SYTL2: variants seen among roughly 807,000 people sequenced by gnomAD.
The protein encoded by SYTL2 is synaptotagmin like 2.
Under a neutral mutation model 198.7 loss-of-function variants are expected in SYTL2, and 165 were observed. The ratio of observed to expected loss-of-function variants is 0.83; its 90% CI spans 0.73 to 0.94. The LOEUF is 0.94. Among genes scored for constraint, SYTL2 ranks in the 40% least tolerant of loss-of-function variants. The pLI is 0.00. For missense variants in SYTL2, 2,835 were observed against 2,582.8 expected, an observed-to-expected ratio of 1.10 and a Z score of -2.12; for synonymous variants, 966 against 917.7, an observed-to-expected ratio of 1.05 and a Z score of -0.95.
chr11:85,800,509 G>A (rs2092870238), intron 1 of SYTL2, among the ~76,000 whole-genome samples: 1 of 151,960 alleles, frequency 6.6e-6, no homozygotes, highest in South Asian at 2.1e-4. Context: ...AAACTCCTGG[G>A]TTCAAGCAAT....
chr11:85,752,723 C>T (rs1177902009), intron 2 of SYTL2, among the ~76,000 whole-genome samples: 1 of 151,944 alleles, frequency 6.6e-6, no homozygotes, highest in East Asian at 1.9e-4. Context: ...CTGCGGGGCA[C>T]TTACCCTCTT....
Position 85,734,700 on chromosome 11 carries a change from G to A in SYTL2, c.629C>T (p.Thr210Ile), listed in dbSNP as rs2090163019. 6.8e-6 allele frequency: 11 copies of A among 1,613,966 alleles called. No homozygotes were observed. The highest frequency in any genetic ancestry group is 1.3e-5 in the African/African-American group (1 of 74,924). ...TGATTTCTCTAACTTTTGGATTGAA[G>A]TATCTGCGACAGTTGACTTTTCTTT... is the stretch of plus-strand genomic sequence containing the variant. ...ESKEKSTVADTSIQKLEKSKQ... is the reference protein window; with the variant it reads ...ESKEKSTVADISIQKLEKSKQ... The change falls in exon 7 of 20, where the codon ACT becomes ATT. Residue 210 changes from threonine (T) to isoleucine (I), a missense_variant. By Grantham distance (89) the Thr-to-Ile change is moderately conservative. Transcript: ENST00000359152.
intron 16 of SYTL2, among the ~76,000 whole-genome samples, chr11:85,701,626 T>C (rs2084309652): frequency 6.6e-6 from 1 of 152,226 alleles, no homozygotes; most frequent in South Asian, 2.1e-4. Context: ...TGGGTAGGGC[T>C]AGAAATAAGT....
At chr11:85,848,424 T>C in the SYTL2 span, among the ~76,000 whole-genome samples, 1 of 151,842 alleles carries the variant, frequency 6.6e-6, no homozygotes, top group Non-Finnish European at 1.5e-5. Context: ...ATTCTAGAAA[T>C]TTTATAGTTT....
rs1458821985 is a variant in SYTL2, at chr11:85,748,439, ATCT to A, written c.102-19_102-17del. 2 of 1,613,186 alleles carry A rather than the reference ATCT, an allele frequency of 1.2e-6. No individual in the cohort carries two copies. ...AGGCAAATGTCTACAAAAGGAAAAG[ATCT>A]TTAGTTTGCTGAGAACCCACAGTAA... On this transcript the variant is annotated splice_polypyrimidine_tract_variant and intron_variant, in intron 2 of 19. Transcript: ENST00000359152.
chr11:85,779,416 A>G (rs1311758708), intron 1 of SYTL2, among the ~76,000 whole-genome samples: 9 of 152,248 alleles, frequency 5.9e-5, no homozygotes, highest in Non-Finnish European at 2.9e-5. Context: ...CACTGTAAGG[A>G]AAGTGTCATT....
the SYTL2 span, among the ~76,000 whole-genome samples, chr11:85,839,348 G>A: frequency 6.6e-6 from 1 of 152,120 alleles, no homozygotes; most frequent in East Asian, 1.9e-4. Flanking sequence ...TTTCGTAACA[G>A]ATCTTTTCCA....
At chr11:85,804,950 T>C (rs538318911) in intron 1 of SYTL2, among the ~76,000 whole-genome samples, 1 of 152,188 alleles carries the variant, frequency 6.6e-6, no homozygotes, top group Non-Finnish European at 1.5e-5. Context: ...CCTTGGCTGG[T>C]AAGTCTTTGG....
chr11:85,732,644 G>A (rs754852117), intron 7 of SYTL2, among the ~76,000 whole-genome samples: 85 of 152,228 alleles, frequency 5.6e-4, no homozygotes, highest in Admixed American at 1.1e-3. Context: ...CCTAATGTAG[G>A]TGACAGGTTG....
intron 15 of SYTL2, among the ~76,000 whole-genome samples, chr11:85,706,344 C>T (rs913070293): frequency 6.6e-6 from 1 of 152,160 alleles, no homozygotes; most frequent in Non-Finnish European, 1.5e-5. Context: ...ACAAACAACA[C>T]CAAGTTGGTC....
At chr11:85,756,920 C>G (rs948838343) in intron 2 of SYTL2, among the ~76,000 whole-genome samples, 1 of 152,208 alleles carries the variant, frequency 6.6e-6, no homozygotes, top group Non-Finnish European at 1.5e-5. Context: ...TTCAGGAAGC[C>G]TGTCGCTGCC....
intron 1 of SYTL2, among the ~76,000 whole-genome samples, chr11:85,769,111 G>T (rs2092304173): frequency 2.0e-5 from 3 of 152,202 alleles, no homozygotes; most frequent in African/African-American, 7.2e-5. Flanking sequence ...AGTTTGATAA[G>T]TTATGTTCCA....
At chr11:85,741,081 T>C (rs930163531) in intron 4 of SYTL2, among the ~76,000 whole-genome samples, 3 of 152,134 alleles carry the variant, frequency 2.0e-5, no homozygotes, top group Non-Finnish European at 2.9e-5. Context: ...GTTTTTTTTT[T>C]TTTCTTAGCT....
At chr11:85,786,181 T>C (rs2092632854) in intron 1 of SYTL2, among the ~76,000 whole-genome samples, 1 of 152,222 alleles carries the variant, frequency 6.6e-6, no homozygotes, top group African/African-American at 2.4e-5. Flanking sequence ...TCTGTTTATA[T>C]GACACTCTTG....
At chr11:85,757,315 TAC>T (rs773765071) in intron 2 of SYTL2, among the ~76,000 whole-genome samples, 5 of 151,754 alleles carry the variant, frequency 3.3e-5, no homozygotes, top group Non-Finnish European at 4.4e-5. Flanking sequence ...TGGATAGAAA[TAC>T]ACACACACAC....
intron 1 of SYTL2, among the ~76,000 whole-genome samples, chr11:85,778,922 G>A (rs1266646649): frequency 6.6e-6 from 1 of 152,158 alleles, no homozygotes; most frequent in African/African-American, 2.4e-5. Context: ...AGGTTGCGGT[G>A]AGAGGAGATT....
chr11:85,725,807 A>G lies in SYTL2; in HGVS notation c.3551T>C (p.Val1184Ala), dbSNP rs763596439. The G allele has an allele frequency of 4.4e-5, 71 of 1,613,908 alleles. 1 individual carries two copies. In the South Asian group the frequency reaches 7.7e-4, roughly 17 times the overall value. The part of the protein sequence containing the change: ...KTDFADTEEE[V>A]KGPEKIINEH... ...ATTAATGATCTTCTCAGGTCCTTTG[A>G]CTTCTTCCTCAGTATCAGCAAAATC... The change falls in exon 8 of 20, where the codon GTC becomes GCC. Residue 1184 changes from valine (V) to alanine (A), a missense_variant. Coordinates refer to ENST00000359152, the MANE Select transcript of SYTL2 (RefSeq NM_206927.4).
intron 7 of SYTL2, among the ~76,000 whole-genome samples, chr11:85,728,913 ACAG>A (rs1271606455): frequency 2.0e-5 from 3 of 152,200 alleles, no homozygotes; most frequent in Non-Finnish European, 4.4e-5. Flanking sequence ...ATCTTTACTA[ACAG>A]CTATTCTAGT....
the SYTL2 span, among the ~76,000 whole-genome samples, chr11:85,844,056 G>A: frequency 6.6e-6 from 1 of 152,162 alleles, no homozygotes. Context: ...TCAATTTCAG[G>A]GTCAAAGAAT....
Sources: gnomAD v4.1 joint callset for allele counts (sites outside exome capture counted in the v4.1 genomes callset) on GRCh38, gnomAD v4.1.1 for gene constraint, MANE v1.5 for transcripts, NCBI Gene and HGNC (gene_info 2026-07-23, HGNC 2026-07-21) for gene names.